Variants in TMEM255A observed in about 807,000 individuals in gnomAD.
TMEM255A encodes family with sequence similarity 70, member A.
Under a neutral mutation model 23.5 loss-of-function variants are expected in TMEM255A, and 14 were observed. The ratio of observed to expected loss-of-function variants is 0.60; its 90% confidence interval spans 0.39 to 0.93. TMEM255A has a LOEUF of 0.93. Ranked by LOEUF, TMEM255A falls within the 40% of genes least tolerant of loss-of-function variation. The probability of loss-of-function intolerance (pLI) is 0.00; values close to 1 mark genes in which losing one functional copy is unlikely to be tolerated. For missense variants in TMEM255A, 233 were observed against 261.7 expected (o/e 0.89, Z 0.76); for synonymous variants, 104 against 100.3 (o/e 1.04, Z -0.22).
At chrX:120,262,594 G>T (rs782631507) in intron 8 of TMEM255A, among the ~76,000 whole-genome samples, 7 of 111,510 alleles carry the variant, frequency 6.3e-5, no homozygotes, top group Non-Finnish European at 9.4e-5. Flanking sequence ...CATCGGTATA[G>T]TGATTTCCTG....
chrX:120,280,950 C>A (rs1371399052), intron 6 of TMEM255A, among the ~76,000 whole-genome samples: 3 of 112,382 alleles, frequency 2.7e-5, no homozygotes, highest in African/African-American at 9.7e-5. Context: ...ACGCCACTAC[C>A]CATTCATTAG....
downstream of TMEM255A, chrX:120,256,373 T>C (rs1183074099): frequency 1.6e-5 from 2 of 122,855 alleles, no homozygotes; most frequent in African/African-American, 6.5e-5. Flanking sequence ...GGTGAGACTT[T>C]ACATATTTTG....
chrX:120,292,001 T>C (rs1019296721), intron 3 of TMEM255A, among the ~76,000 whole-genome samples: 32 of 111,351 alleles, frequency 2.9e-4, no homozygotes, highest in African/African-American at 9.5e-4. Flanking sequence ...GTATGATACA[T>C]ATTTTTAAAA....
At chrX:120,296,831 TG>T (rs782594867) in intron 2 of TMEM255A, among the ~76,000 whole-genome samples, 10 of 1,946 alleles carry the variant, frequency 5.1e-3, no homozygotes, top group African/African-American at 0.012. Flanking sequence ...ATAATATATA[TG>T]ATATATAATA....
downstream of TMEM255A, chrX:120,254,442 AGCTCCAGTC>A: frequency 8.3e-7 from 1 of 1,211,811 alleles, no homozygotes; most frequent in Non-Finnish European, 1.1e-6. Context: ...TGACACTATT[AGCTCCAGTC>A]CTGACTCGGC....
intron 4 of TMEM255A, 98 bp downstream of exon 4, chrX:120,291,153 C>T (rs1556022833): frequency 4.3e-6 from 3 of 703,384 alleles, no homozygotes; most frequent in Non-Finnish European, 6.6e-6. Flanking sequence ...TCATGTAACC[C>T]TCATGACACT....
intron 2 of TMEM255A, among the ~76,000 whole-genome samples, chrX:120,295,130 A>T (rs1163493809): frequency 8.0e-5 from 9 of 112,247 alleles, no homozygotes; most frequent in African/African-American, 2.9e-4. Context: ...GATGAAAATG[A>T]TCACTAACTG....
chrX:120,291,403 A>G (rs1005026837), intron 3 of TMEM255A, 63 bp from the exon 4 acceptor site: 20 of 943,642 alleles, frequency 2.1e-5, no homozygotes, highest in Non-Finnish European at 2.8e-5. Context: ...TCTGGGGACC[A>G]GGCAATCCCC....
At chrX:120,285,386 T>C (rs1364860710) in intron 5 of TMEM255A, among the ~76,000 whole-genome samples, 171 bp from the exon 6 acceptor site, 9 of 111,563 alleles carry the variant, frequency 8.1e-5, no homozygotes, top group African/African-American at 2.9e-4. Flanking sequence ...AACTTGTGCA[T>C]GAGGCAAGTC....
At chrX:120,307,647 A>G (rs1392602326) in intron 1 of TMEM255A, among the ~76,000 whole-genome samples, 1 of 112,376 alleles carries the variant, frequency 8.9e-6, no homozygotes, top group African/African-American at 3.2e-5. Context: ...GTCTCATAGA[A>G]TTGATTTTTT....
intron 3 of TMEM255A, among the ~76,000 whole-genome samples, chrX:120,292,602 T>A (rs2057923660): frequency 9.1e-6 from 1 of 110,156 alleles, no homozygotes; most frequent in Non-Finnish European, 1.9e-5. Context: ...CTACTAAAAA[T>A]ACAAAAAATT....
chrX:120,281,650 A>C (rs1228856941), intron 6 of TMEM255A, among the ~76,000 whole-genome samples: 2 of 113,042 alleles, frequency 1.8e-5, no homozygotes, highest in East Asian at 5.5e-4. Context: ...GGAGCTCAAG[A>C]AAAGTTTGTC....
chrX:120,311,210 A>T (rs1556028308), intron 1 of TMEM255A, 42 bp downstream of exon 1: 5 of 1,126,930 alleles, frequency 4.4e-6, no homozygotes, highest in East Asian at 3.3e-5. Flanking sequence ...AGGGCACTCA[A>T]CCCCTGCTGC....
intron 8 of TMEM255A, among the ~76,000 whole-genome samples, chrX:120,261,231 ATCC>A (rs1450934039): frequency 9.0e-6 from 1 of 111,544 alleles, no homozygotes; most frequent in Non-Finnish European, 1.9e-5. Context: ...GAAATAGGGA[ATCC>A]TCCTCTGCAA....
chrX:120,297,727 A>G lies in TMEM255A; in HGVS notation c.202-3676T>C, dbSNP rs1556025142. Among the ~76,000 whole-genome samples the G allele has an allele frequency of 2.7e-5, 3 of 110,938 alleles. No homozygotes were observed. In the Admixed American group the frequency reaches 2.9e-4, roughly 11 times the overall value. ...GACTAGCTCTCGGGTCCCCTGAATAACAGCTTGAGTTCTTTTAGCCACACC... is the reference window on the plus strand; with the variant it reads ...GACTAGCTCTCGGGTCCCCTGAATAGCAGCTTGAGTTCTTTTAGCCACACC... On this transcript the variant is annotated intron_variant, in intron 2 of 8. Coordinates refer to ENST00000371369, the MANE Select transcript of TMEM255A (RefSeq NM_001104544.3).
intron 3 of TMEM255A, 97 bp downstream of exon 3, chrX:120,293,892 A>G (rs72607685): frequency 0.12 from 79,546 of 639,009 alleles, 3,985 homozygotes; most frequent in East Asian, 0.26. Context: ...TCCTTTTATG[A>G]CCAAATCACA....
chrX:120,271,468 G>C (rs782281953), intron 7 of TMEM255A, among the ~76,000 whole-genome samples: 1 of 111,738 alleles, frequency 8.9e-6, no homozygotes, highest in Non-Finnish European at 1.9e-5. Flanking sequence ...AGAGGGTTAG[G>C]GGCCATTATT....
intron 1 of TMEM255A, among the ~76,000 whole-genome samples, chrX:120,305,824 GA>G (rs1238976181): frequency 9.0e-6 from 1 of 111,269 alleles, no homozygotes; most frequent in Non-Finnish European, 1.9e-5. Flanking sequence ...CTGTATGGAA[GA>G]AAAGCACTGG....
At chrX:120,271,799 GC>G (rs1382122871) in intron 7 of TMEM255A, among the ~76,000 whole-genome samples, 9 of 110,936 alleles carry the variant, frequency 8.1e-5, no homozygotes, top group African/African-American at 3.0e-4. Context: ...ATGACCTTGA[GC>G]TTGGCAATAG....
Sources: gnomAD v4.1 joint callset for allele counts (sites outside exome capture counted in the v4.1 genomes callset) on GRCh38, gnomAD v4.1.1 for gene constraint, MANE v1.5 for transcripts, NCBI Gene and HGNC (gene_info 2026-07-23, HGNC 2026-07-21) for gene names.